TMEM232: variants seen among roughly 807,000 people sequenced by gnomAD.
The protein encoded by TMEM232 is transmembrane protein 232.
TMEM232 carries 80 observed loss-of-function variants against 78.8 expected under a neutral mutation model. The ratio of observed to expected loss-of-function variants is 1.01; its 90% CI spans 0.85 to 1.22. The LOEUF (loss-of-function observed/expected upper bound fraction) is 1.22. Ranked by LOEUF, TMEM232 falls within the 50% of genes most tolerant of loss-of-function variation. The pLI, the probability that TMEM232 is intolerant of heterozygous loss-of-function variation, is 0.00. For missense variants in TMEM232, 881 were observed against 742.2 expected, an observed-to-expected ratio of 1.19 and a Z score of -2.17; for synonymous variants, 297 against 254.3, an observed-to-expected ratio of 1.17 and a Z score of -1.60.
Position 110,689,288 on chromosome 5 carries a change from T to A in TMEM232, c.-12-21924A>T, listed in dbSNP as rs79910134. 5.7e-3 allele frequency among the ~76,000 whole-genome samples: 862 copies of A among 152,252 alleles called. 9 individuals are homozygous for A. Among genetic ancestry groups the A allele is most frequent in the African/African-American group, 0.02 (812 of 41,534 alleles). ...CAAAACAGAGTCTTGGAGTAGCCAA[T>A]TTAAAGAAAGTACAGAAATACTATT... On this transcript the variant is annotated intron_variant, in intron 1 of 13. Coordinates refer to ENST00000455884, the MANE Select transcript of TMEM232 (RefSeq NM_001039763.4).
chr5:110,442,476 A>T lies in TMEM232; in HGVS notation c.1704-17560T>A, dbSNP rs552422587. Reference sequence around the variant, plus strand: ...GAATCTCTGCTTGATTTAAAAAAATAATTTCAATCTTTTTGTTAAACTTAT... The same window carrying T: ...GAATCTCTGCTTGATTTAAAAAAATTATTTCAATCTTTTTGTTAAACTTAT... On this transcript the variant is annotated intron_variant, in intron 12 of 13. Coordinates refer to ENST00000455884, the MANE Select transcript of TMEM232 (RefSeq NM_001039763.4). 3.5e-4 allele frequency among the ~76,000 whole-genome samples: 54 copies of T among 152,126 alleles called. No homozygotes were observed. The East Asian group carries it at 8.8e-3, about 25-fold the overall frequency.
At chr5:110,435,414 T>C (rs1758315538) in intron 12 of TMEM232, among the ~76,000 whole-genome samples, 1 of 150,298 alleles carries the variant, frequency 6.7e-6, no homozygotes, top group African/African-American at 2.5e-5. Context: ...GCATGCAATA[T>C]GTAATAATTA....
chr5:110,391,617 G>T (rs1755200195), intron 3 of TMEM232, among the ~76,000 whole-genome samples: 1 of 152,124 alleles, frequency 6.6e-6, no homozygotes, highest in African/African-American at 2.4e-5. Context: ...TTAGTTAAAG[G>T]ATTTGGGATG....
At chr5:110,391,326 T>TGTGTGAGAGAGAGAGAGAGAGAGAGA (rs549361387) in intron 3 of TMEM232, among the ~76,000 whole-genome samples, 154 of 139,870 alleles carry the variant, frequency 1.1e-3, no homozygotes, top group African/African-American at 4.2e-3. Flanking sequence ...TGTGTGTGTG[T>TGTGTGAGAGAGAGAGAGAGAGAGAGA]GAGAGAGAGA....
At chr5:110,648,022 T>C (rs1388924699) in intron 2 of TMEM232, among the ~76,000 whole-genome samples, 1 of 152,022 alleles carries the variant, frequency 6.6e-6, no homozygotes, top group Non-Finnish European at 1.5e-5. Flanking sequence ...GTAGAACATA[T>C]TTTCAACATG....
intron 2 of TMEM232, among the ~76,000 whole-genome samples, chr5:110,654,397 T>G (rs1225206127): frequency 6.6e-6 from 1 of 152,212 alleles, no homozygotes; most frequent in Non-Finnish European, 1.5e-5. Flanking sequence ...CACCATTTAT[T>G]AAATAGGGAA....
intron 2 of TMEM232, among the ~76,000 whole-genome samples, chr5:110,410,444 T>C (rs572137482): frequency 1.3e-5 from 2 of 152,262 alleles, no homozygotes; most frequent in Non-Finnish European, 2.9e-5. Context: ...CTACACTCAA[T>C]GTACAAAAAA....
At chr5:110,494,566 C>G (rs1329695553) in intron 12 of TMEM232, among the ~76,000 whole-genome samples, 1 of 151,984 alleles carries the variant, frequency 6.6e-6, no homozygotes, top group East Asian at 1.9e-4. Context: ...TTTATACATG[C>G]ATATATCCTG....
rs375627331 is a variant in TMEM232, at chr5:110,513,156, A to C, written c.1703+15432T>G. On this transcript the variant is annotated intron_variant, in intron 12 of 13. Coordinates refer to ENST00000455884, the MANE Select transcript of TMEM232 (RefSeq NM_001039763.4). The stretch of plus-strand genomic sequence containing the variant: ...ATAGATAGAAATTGATTTATCTCCA[A>C]GGCAAGTTTGCAGATAAACTGAGTT... 2.9e-3 allele frequency among the ~76,000 whole-genome samples: 440 copies of C among 152,312 alleles called. 3 individuals carry two copies. Among genetic ancestry groups the C allele is most frequent in the African/African-American group, 0.01 (425 of 41,588 alleles).
chr5:110,672,168 TA>T (rs1791442841), intron 1 of TMEM232, among the ~76,000 whole-genome samples: 1 of 152,194 alleles, frequency 6.6e-6, no homozygotes, highest in African/African-American at 2.4e-5. Flanking sequence ...TAATTAGTAA[TA>T]TTTTTTGAGT....
chr5:110,642,939 C>T (rs1323992527), intron 2 of TMEM232, among the ~76,000 whole-genome samples: 1 of 151,960 alleles, frequency 6.6e-6, no homozygotes, highest in Non-Finnish European at 1.5e-5. Context: ...GCAAATTTCT[C>T]CAATGCTATA....
intron 11 of TMEM232, among the ~76,000 whole-genome samples, chr5:110,567,172 T>C (rs933110779): frequency 1.3e-5 from 2 of 151,832 alleles, no homozygotes; most frequent in Non-Finnish European, 2.9e-5. Flanking sequence ...CAAGATGAGA[T>C]TGGGTGGGGT....
chr5:110,465,987 AATG>A (rs1297900522), intron 12 of TMEM232, among the ~76,000 whole-genome samples: 21 of 152,232 alleles, frequency 1.4e-4, no homozygotes, highest in African/African-American at 4.6e-4. Flanking sequence ...AGTTGAAAAA[AATG>A]ATCTTTCATG....
At chr5:110,712,105 CAAAAAA>C (rs61482697) in intron 1 of TMEM232, among the ~76,000 whole-genome samples, 9 of 65,414 alleles carry the variant, frequency 1.4e-4, no homozygotes, top group African/African-American at 4.3e-4. Flanking sequence ...GACTCAATCT[CAAAAAA>C]AAAAAAAAAA....
chr5:110,582,368 T>C (rs1055358210), intron 10 of TMEM232, among the ~76,000 whole-genome samples: 11 of 151,914 alleles, frequency 7.2e-5, no homozygotes, highest in Admixed American at 2.6e-4. Flanking sequence ...GCAACATGTA[T>C]GCAACTGAAA....
At chr5:110,451,465 G>T (rs1001394160) in intron 12 of TMEM232, among the ~76,000 whole-genome samples, 1 of 152,094 alleles carries the variant, frequency 6.6e-6, no homozygotes, top group Non-Finnish European at 1.5e-5. Flanking sequence ...GTCTTAGGTT[G>T]GTTTGCAAGA....
At chr5:110,496,859 TAAG>T (rs1414327866) in intron 12 of TMEM232, among the ~76,000 whole-genome samples, 1 of 152,034 alleles carries the variant, frequency 6.6e-6, no homozygotes, top group Non-Finnish European at 1.5e-5. Context: ...TCAGCTACAC[TAAG>T]AAGAGAGAAC....
intron 12 of TMEM232, among the ~76,000 whole-genome samples, chr5:110,504,364 C>T (rs144137100): frequency 0.014 from 2,147 of 152,120 alleles, 38 homozygotes; most frequent in Non-Finnish European, 0.018. Context: ...GATGCTGATA[C>T]GGGAATAGAA....
intron 4 of TMEM232, among the ~76,000 whole-genome samples, chr5:110,390,131 T>C (rs1318937753): frequency 6.6e-6 from 1 of 152,108 alleles, no homozygotes; most frequent in Admixed American, 6.6e-5. Context: ...TTTTTATGTC[T>C]AAACCACCCT....
Sources: gnomAD v4.1 joint callset for allele counts (sites outside exome capture counted in the v4.1 genomes callset) on GRCh38, gnomAD v4.1.1 for gene constraint, MANE v1.5 for transcripts, NCBI Gene and HGNC (gene_info 2026-07-23, HGNC 2026-07-21) for gene names.